Variants in EIF2S2 observed in about 807,000 individuals in gnomAD.
EIF2S2 encodes the protein eukaryotic translation initiation factor 2 subunit beta.
A neutral mutation model predicts 44.0 loss-of-function variants in EIF2S2; 4 were observed. That is an observed-to-expected ratio of 0.09 (90% CI 0.04 to 0.21). EIF2S2 has a LOEUF of 0.21. Among genes scored for constraint, EIF2S2 ranks in the 10% least tolerant of loss-of-function variants. The pLI is 1.00. For synonymous variants in EIF2S2, 108 were observed against 128.3 expected, an observed-to-expected ratio of 0.84 and a Z score of 1.07; for missense variants, 154 against 392.0, an observed-to-expected ratio of 0.39 and a Z score of 5.13.
At chr20:34,091,730 A>C (rs1459232954) in intron 7 of EIF2S2, among the ~76,000 whole-genome samples, 12 of 136,808 alleles carry the variant, frequency 8.8e-5, no homozygotes, top group African/African-American at 2.6e-4. Flanking sequence ...AAAAAAAAAA[A>C]AAACCCCATT....
intron 1 of EIF2S2, among the ~76,000 whole-genome samples, chr20:34,107,971 G>A (rs913858071): frequency 1.3e-5 from 2 of 152,134 alleles, no homozygotes; most frequent in Non-Finnish European, 2.9e-5. Flanking sequence ...CCACTGCAAG[G>A]AGTACTGCAA....
intron 3 of EIF2S2, among the ~76,000 whole-genome samples, chr20:34,101,178 C>G (rs2034290914): frequency 6.6e-6 from 1 of 152,230 alleles, no homozygotes; most frequent in African/African-American, 2.4e-5. Context: ...GGCGCAGTGG[C>G]TCACACCTGT....
At chr20:34,108,894 C>CAAATGCT (rs2034378462) in intron 1 of EIF2S2, among the ~76,000 whole-genome samples, 2 of 151,256 alleles carry the variant, frequency 1.3e-5, no homozygotes, top group South Asian at 4.2e-4. Context: ...GTGACCAGAA[C>CAAATGCT]AAATGCTAAG....
intron 7 of EIF2S2, among the ~76,000 whole-genome samples, chr20:34,091,776 T>TTTGGGGGG (rs4012181): frequency 3.1e-5 from 3 of 95,808 alleles, no homozygotes; most frequent in Non-Finnish European, 4.1e-5. Flanking sequence ...TTTATTTTTT[T>TTTGGGGGG]GGGGGGGGGG....
intron 6 of EIF2S2, among the ~76,000 whole-genome samples, chr20:34,095,791 T>G (rs2034221541): frequency 6.6e-6 from 1 of 152,226 alleles, no homozygotes; most frequent in African/African-American, 2.4e-5. Flanking sequence ...GGTAAAATTT[T>G]GAGTGAATAT....
chr20:34,092,890 G>T (rs904815075), intron 7 of EIF2S2, among the ~76,000 whole-genome samples: 11 of 152,136 alleles, frequency 7.2e-5, no homozygotes, highest in Non-Finnish European at 1.5e-4. Flanking sequence ...AGACCTGATT[G>T]TATCTATCTT....
At chr20:34,091,468 C>T (rs935155973) in intron 7 of EIF2S2, among the ~76,000 whole-genome samples, 1 of 152,150 alleles carries the variant, frequency 6.6e-6, no homozygotes, top group Non-Finnish European at 1.5e-5. Flanking sequence ...GTAATCCCAG[C>T]ACTTTGGGAG....
chr20:34,093,772 G>A (rs1296398475), intron 6 of EIF2S2, 41 bp from the exon 7 acceptor site: 2 of 1,524,686 alleles, frequency 1.3e-6, no homozygotes, highest in African/African-American at 1.4e-5. Context: ...ATCTCTCATG[G>A]AAATCTCACC....
chr20:34,103,397 A>C, intron 3 of EIF2S2, 65 bp downstream of exon 3: 1 of 1,474,098 alleles, frequency 6.8e-7, no homozygotes, highest in Non-Finnish European at 9.0e-7. Flanking sequence ...AAAGAGAGGG[A>C]AACATCAGCC....
At chr20:34,098,436 A>C in intron 4 of EIF2S2, 62 bp downstream of exon 4, 3 of 1,589,324 alleles carry the variant, frequency 1.9e-6, no homozygotes, top group Non-Finnish European at 2.6e-6. Flanking sequence ...CACCCCCATC[A>C]AGGAGACCAG....
At chr20:34,092,786 A>G (rs2034182384) in intron 7 of EIF2S2, among the ~76,000 whole-genome samples, 1 of 152,240 alleles carries the variant, frequency 6.6e-6, no homozygotes. Context: ...CCAACAGTTT[A>G]AAGAGAGTAG....
At chr20:34,091,978 T>C (rs2122391199) in intron 7 of EIF2S2, among the ~76,000 whole-genome samples, 1 of 152,274 alleles carries the variant, frequency 6.6e-6, no homozygotes, top group South Asian at 2.1e-4. Flanking sequence ...TACTTAATGA[T>C]AAACTGATAG....
At chr20:34,107,815 A>G (rs2034366606) in intron 1 of EIF2S2, among the ~76,000 whole-genome samples, 1 of 152,236 alleles carries the variant, frequency 6.6e-6, no homozygotes, top group Non-Finnish European at 1.5e-5. Flanking sequence ...TTTGCATAGC[A>G]TTTTCAAAGT....
At chr20:34,102,115 T>G (rs1601536540) in intron 3 of EIF2S2, among the ~76,000 whole-genome samples, 1 of 152,188 alleles carries the variant, frequency 6.6e-6, no homozygotes, top group African/African-American at 2.4e-5. Context: ...TAACATCCTC[T>G]TATGTTATGC....
intron 1 of EIF2S2, among the ~76,000 whole-genome samples, chr20:34,110,939 G>C: frequency 6.6e-6 from 1 of 152,120 alleles, no homozygotes. Context: ...GAATTCTACT[G>C]GTTTAGCCAC....
In EIF2S2 at chr20:34,105,411, C is replaced by T; in HGVS notation, c.150G>A (p.Glu50=). The T allele has an allele frequency of 6.2e-7, 1 of 1,614,026 alleles. No individual in the cohort carries two copies. The highest frequency in any genetic ancestry group is 8.5e-7 in the Non-Finnish European group (1 of 1,179,912). Residue 50 remains glutamate, a synonymous_variant, in exon 2 of 9, where the codon GAG becomes GAA. Coordinates refer to ENST00000374980, the MANE Select transcript of EIF2S2 (RefSeq NM_003908.5). ...CTTCATCAGCTTCCAAATCCTTGTC[C>T]TCAGTTGGCTCTGGCTCCACTTCTT... The part of the protein sequence containing the change: ...ETKEVEPEPT[E]DKDLEADEED...
intron 2 of EIF2S2, 75 bp downstream of exon 2, chr20:34,105,293 C>G: frequency 6.6e-7 from 1 of 1,520,036 alleles, no homozygotes; most frequent in East Asian, 2.3e-5. Flanking sequence ...GAGGTCGCTG[C>G]ATATCCAAAA....
At chr20:34,097,971 C>T (rs571232101) in intron 4 of EIF2S2, among the ~76,000 whole-genome samples, 3 of 152,074 alleles carry the variant, frequency 2.0e-5, no homozygotes, top group African/African-American at 7.2e-5. Flanking sequence ...CGGGGCCGGG[C>T]GCTGTGGCTC....
At chr20:34,106,050 T>C (rs1260748521) in intron 1 of EIF2S2, among the ~76,000 whole-genome samples, 1 of 152,120 alleles carries the variant, frequency 6.6e-6, no homozygotes, top group Non-Finnish European at 1.5e-5. Flanking sequence ...GCTCCCCAAG[T>C]AGCTGGGACC....
Sources: gnomAD v4.1 joint callset for allele counts (sites outside exome capture counted in the v4.1 genomes callset) on GRCh38, gnomAD v4.1.1 for gene constraint, MANE v1.5 for transcripts, NCBI Gene and HGNC (gene_info 2026-07-23, HGNC 2026-07-21) for gene names.